Variants in RTN4 observed in about 807,000 individuals in gnomAD.
The protein encoded by RTN4 is reticulon-4.
Under a neutral mutation model 90.4 loss-of-function variants are expected in RTN4, and 32 were observed. The observed-to-expected ratio is 0.35, with a 90% CI of 0.27 to 0.48. The LOEUF (loss-of-function observed/expected upper bound fraction) is 0.48. Ranked by LOEUF, RTN4 falls within the 20% of genes least tolerant of loss-of-function variation. The probability of loss-of-function intolerance (pLI) is 0.99; values close to 1 mark genes in which losing one functional copy is unlikely to be tolerated. For missense variants in RTN4, 1,706 were observed against 1,430.2 expected (o/e 1.19, Z -3.11); for synonymous variants, 629 against 552.5 (o/e 1.14, Z -1.94).
At chr2:55,013,991 G>T (rs1401667830) in intron 3 of RTN4, among the ~76,000 whole-genome samples, 2 of 152,034 alleles carry the variant, frequency 1.3e-5, no homozygotes, top group East Asian at 3.9e-4. Flanking sequence ...TAAAAAATAA[G>T]AAACAATTAT....
the RTN4 span, among the ~76,000 whole-genome samples, chr2:55,126,818 A>C: frequency 6.6e-6 from 1 of 152,230 alleles, no homozygotes; most frequent in African/African-American, 2.4e-5. Flanking sequence ...AATATGGTAC[A>C]CACACACCAT....
At chr2:55,037,975 C>T (rs1030921217) in intron 1 of RTN4, among the ~76,000 whole-genome samples, 4 of 152,134 alleles carry the variant, frequency 2.6e-5, no homozygotes, top group African/African-American at 4.8e-5. Context: ...TAAATAGACA[C>T]ACTTCATATG....
At position 55,091,529 on chromosome 2, in the gene RTN4, A is replaced by C. The variant is rs956643488; in HGVS notation, c.-213-10890T>G. Among the ~76,000 whole-genome samples the C allele has an allele frequency of 2.0e-5, 3 of 152,224 alleles. No individual in the cohort carries two copies. In the East Asian group the frequency reaches 5.8e-4, roughly 29 times the overall value. The stretch of plus-strand genomic sequence containing the variant: ...ACAAATTTTTCATCTTCCTGTCCTC[A>C]TTAGAATGTAAGCTCAGGCCAGCTG... On this transcript the variant is annotated intron_variant, in intron 1 of 3. Coordinates refer to the RTN4 transcript ENST00000427710.
At chr2:55,018,464 T>G (rs1681199873) in intron 3 of RTN4, among the ~76,000 whole-genome samples, 1 of 152,042 alleles carries the variant, frequency 6.6e-6, no homozygotes, top group African/African-American at 2.4e-5. Flanking sequence ...TATTTGACTA[T>G]ATACATTCCA....
At chr2:55,102,340 T>A (rs952195915) in intron 1 of RTN4, among the ~76,000 whole-genome samples, 1 of 152,152 alleles carries the variant, frequency 6.6e-6, no homozygotes, top group African/African-American at 2.4e-5. Context: ...GGCCAGATAG[T>A]AAATCTTTTA....
At chr2:55,129,890 T>C in the RTN4 span, among the ~76,000 whole-genome samples, 14 of 151,746 alleles carry the variant, frequency 9.2e-5, no homozygotes, top group East Asian at 9.7e-4. Flanking sequence ...GAAAAAAGAG[T>C]AGGAATAATT....
intron 3 of RTN4, among the ~76,000 whole-genome samples, chr2:54,995,312 A>G (rs1679333212): frequency 6.6e-6 from 1 of 152,134 alleles, no homozygotes; most frequent in Non-Finnish European, 1.5e-5. Flanking sequence ...AGTAAGCTAT[A>G]TATACATTTA....
At chr2:54,986,709 G>A (rs1678587017) in intron 4 of RTN4, among the ~76,000 whole-genome samples, 2 of 152,180 alleles carry the variant, frequency 1.3e-5, no homozygotes, top group Admixed American at 6.5e-5. Flanking sequence ...AAAACGTGGT[G>A]AATTAGTCGT....
At chr2:55,098,203 G>A (rs564268709) in intron 1 of RTN4, among the ~76,000 whole-genome samples, 56 of 152,214 alleles carry the variant, frequency 3.7e-4, no homozygotes, top group African/African-American at 1.3e-3. Flanking sequence ...CCAGTACCCA[G>A]CACAAAGCTG....
At chr2:54,973,313 G>C in intron 8 of RTN4, 115 bp from the exon 9 acceptor site, 2 of 1,026,970 alleles carry the variant, frequency 1.9e-6, no homozygotes, top group Non-Finnish European at 2.9e-6. Flanking sequence ...AATCCTTAAA[G>C]CTGCCTAATT....
At chr2:55,085,791 T>C (rs1668826338) in intron 1 of RTN4, among the ~76,000 whole-genome samples, 2 of 152,226 alleles carry the variant, frequency 1.3e-5, no homozygotes, top group Non-Finnish European at 2.9e-5. Context: ...GCCTGGCCCC[T>C]TTCTAACGTT....
intron 1 of RTN4, among the ~76,000 whole-genome samples, chr2:55,098,705 G>A (rs1667796748): frequency 6.6e-6 from 1 of 152,040 alleles, no homozygotes; most frequent in African/African-American, 2.4e-5. Context: ...AGGTCCACAT[G>A]TTGCAATTCA....
chr2:55,016,473 C>T (rs1681045381), intron 3 of RTN4, among the ~76,000 whole-genome samples: 1 of 152,062 alleles, frequency 6.6e-6, no homozygotes, highest in South Asian at 2.1e-4. Flanking sequence ...ATCCCAGCTA[C>T]TCGGGAGGCT....
intron 2 of RTN4, chr2:55,056,556 T>G (rs1369610886): frequency 6.6e-6 from 1 of 151,892 alleles, no homozygotes; most frequent in African/African-American, 2.4e-5. Flanking sequence ...CGAACCTGAT[T>G]TCTACAAAAA....
rs142132704 is a variant in RTN4, at chr2:55,098,483, C to T, written c.-214+14037G>A. Among the ~76,000 whole-genome samples, 1,508 of 152,206 alleles carry T rather than the reference C, an allele frequency of 9.9e-3. 28 individuals are homozygous for T. Among genetic ancestry groups the T allele is most frequent in the African/African-American group, 0.035 (1,438 of 41,502 alleles). On this transcript the variant is annotated intron_variant, in intron 1 of 3. Transcript: ENST00000427710. Reference sequence around the variant, plus strand: ...CAACGCAGGGTCAATTCTCTTTTATCTTTACTTCCAACTCCATTGCATATT... The same window carrying T: ...CAACGCAGGGTCAATTCTCTTTTATTTTTACTTCCAACTCCATTGCATATT...
chr2:54,993,874 C>G (rs1438938289), intron 3 of RTN4, among the ~76,000 whole-genome samples: 1 of 152,182 alleles, frequency 6.6e-6, no homozygotes, highest in Non-Finnish European at 1.5e-5. Context: ...TACACTGCCA[C>G]CAACCCCACT....
intron 3 of RTN4, among the ~76,000 whole-genome samples, chr2:55,008,812 TTTTA>T (rs1680424923): frequency 6.6e-6 from 1 of 152,188 alleles, no homozygotes; most frequent in Non-Finnish European, 1.5e-5. Flanking sequence ...TTTCACCTAC[TTTTA>T]AGGCCTGTAT....
Position 54,973,132 on chromosome 2 carries a change from T to A in RTN4, c.*24A>T. 2 of 1,593,394 alleles carry A rather than the reference T, an allele frequency of 1.3e-6. No homozygotes were observed. The highest frequency in any genetic ancestry group is 1.7e-4 in the Middle Eastern group (1 of 6,008). ...ATGAATATCCCCTTTAAAGATGAAC[T>A]CCTACTAATTATTTTGGGCGTTTTC... On this transcript the variant is annotated 3_prime_UTR_variant, in exon 9 of 9. Coordinates refer to ENST00000337526, the MANE Select transcript of RTN4 (RefSeq NM_020532.5).
intron 2 of RTN4, among the ~76,000 whole-genome samples, chr2:55,080,241 C>G (rs767357407): frequency 6.6e-6 from 1 of 151,976 alleles, no homozygotes; most frequent in Admixed American, 6.6e-5. Flanking sequence ...TGGTCTTGAA[C>G]TCCTGGGCTC....
Sources: allele counts gnomAD v4.1 joint callset (sites outside exome capture counted in the v4.1 genomes callset), GRCh38; gene constraint gnomAD v4.1.1; transcripts MANE v1.5; gene names NCBI Gene and HGNC (gene_info 2026-07-23, HGNC 2026-07-21).